The following ABCA13 variants were observed in gnomAD, a reference collection of about 807,000 sequenced individuals.
ABCA13 encodes ATP binding cassette subfamily A member 13.
A neutral mutation model predicts 478.7 loss-of-function variants in ABCA13; 476 were observed. The observed-to-expected ratio is 0.99, with a 90% CI of 0.92 to 1.07. The LOEUF is 1.07. ABCA13 is among the 50% of genes least tolerant of loss of function. The pLI, the probability that ABCA13 is intolerant of heterozygous loss-of-function variation, is 0.00. For missense variants in ABCA13, 6,060 were observed against 5,910.6 expected (o/e 1.03, Z -0.83); for synonymous variants, 2,252 against 2,158.9 (o/e 1.04, Z -1.20).
chr7:48,210,640 T>C (rs1450153055), intron 3 of ABCA13, among the ~76,000 whole-genome samples: 1 of 152,142 alleles, frequency 6.6e-6, no homozygotes, highest in Non-Finnish European at 1.5e-5. Context: ...TCTGTGTTTT[T>C]ACAACTTGCA....
intron 9 of ABCA13, among the ~76,000 whole-genome samples, chr7:48,240,172 T>C (rs1790601904): frequency 6.6e-6 from 1 of 152,248 alleles, no homozygotes; most frequent in Admixed American, 6.5e-5. Flanking sequence ...TAAAACATCC[T>C]TAAAAATATA....
intron 48 of ABCA13, 93 bp from the exon 49 acceptor site, chr7:48,506,243 G>T: frequency 7.3e-7 from 1 of 1,376,744 alleles, no homozygotes; most frequent in South Asian, 1.2e-5. Flanking sequence ...GATACATTGT[G>T]ATGGCACAGG....
intron 44 of ABCA13, among the ~76,000 whole-genome samples, chr7:48,469,702 C>T (rs1002382020): frequency 2.4e-4 from 36 of 152,054 alleles, no homozygotes; most frequent in African/African-American, 8.4e-4. Flanking sequence ...GGGCGGATCA[C>T]GAGGTCAGGA....
chr7:48,486,911 A>G (rs1386731607), intron 47 of ABCA13, among the ~76,000 whole-genome samples: 1 of 152,200 alleles, frequency 6.6e-6, no homozygotes, highest in African/African-American at 2.4e-5. Flanking sequence ...GGCCATAGCA[A>G]GTCACATGGC....
chr7:48,445,011 C>CTTTTT (rs34045232), intron 42 of ABCA13, among the ~76,000 whole-genome samples: 1 of 141,482 alleles, frequency 7.1e-6, no homozygotes, highest in Non-Finnish European at 1.5e-5. Flanking sequence ...TTCTTTCTTT[C>CTTTTT]TTTTTTTTTT....
rs1562953364 is a variant in ABCA13 at position 48,278,771 on chromosome 7, T to A, written c.7577T>A (p.Leu2526His). Reference protein sequence around the residue: ...ATSMDSIVKLLKLVKKVSGKM... With the variant: ...ATSMDSIVKLHKLVKKVSGKM... ...TCAATGGACTCCATTGTGAAACTTC[T>A]TAAGCTGGTCAAGAAAGTTTCGGGG... The change falls in exon 18 of 62, where the codon CTT (leucine) becomes CAT (histidine). Residue 2526 changes from leucine to histidine, a missense_variant. By Grantham distance (99) the Leu-to-His change is moderately conservative. Transcript: ENST00000435803. The A allele has an allele frequency of 6.2e-7, 1 of 1,613,846 alleles. No homozygotes were observed. The highest frequency in any genetic ancestry group is 1.3e-5 in the African/African-American group (1 of 74,936).
At chr7:48,546,176 G>A (rs1048564855) in intron 55 of ABCA13, among the ~76,000 whole-genome samples, 38 of 151,928 alleles carry the variant, frequency 2.5e-4, no homozygotes, top group African/African-American at 8.2e-4. Context: ...GCCACTTGTA[G>A]CATCTAAAAT....
intron 29 of ABCA13, among the ~76,000 whole-genome samples, chr7:48,345,458 G>T (rs1807926680): frequency 6.6e-6 from 1 of 152,018 alleles, no homozygotes; most frequent in Non-Finnish European, 1.5e-5. Context: ...AAGTGATATT[G>T]ATGATAATGA....
At chr7:48,453,223 C>G (rs1372998689) in intron 42 of ABCA13, among the ~76,000 whole-genome samples, 1 of 144,800 alleles carries the variant, frequency 6.9e-6, no homozygotes, top group South Asian at 2.3e-4. Context: ...CTCTGAGTCT[C>G]TGGAGATTGG....
chr7:48,521,492 T>A (rs1285492808), intron 53 of ABCA13, among the ~76,000 whole-genome samples: 1 of 152,214 alleles, frequency 6.6e-6, no homozygotes, highest in Non-Finnish European at 1.5e-5. Flanking sequence ...AATGTGCTTT[T>A]GAATTGGCCA....
chr7:48,562,386 T>C (rs1786557750), intron 55 of ABCA13, among the ~76,000 whole-genome samples: 1 of 152,114 alleles, frequency 6.6e-6, no homozygotes, highest in African/African-American at 2.4e-5. Flanking sequence ...GCTTTGGTTT[T>C]GAATAATAAA....
intron 16 of ABCA13, 42 bp from the exon 17 acceptor site, chr7:48,271,745 A>AT (rs747047842): frequency 4.5e-5 from 52 of 1,160,976 alleles, no homozygotes; most frequent in Non-Finnish European, 4.6e-5. Flanking sequence ...AATCAAATTT[A>AT]TTTTTTTATT....
chr7:48,372,413 C>A lies in ABCA13; in HGVS notation c.11049C>A (p.Ser3683Arg). The A allele has an allele frequency of 6.2e-7, 1 of 1,613,748 alleles. No individual in the cohort carries two copies. Among genetic ancestry groups the A allele is most frequent in the Non-Finnish European group, 8.5e-7 (1 of 1,179,842 alleles). ...CTAATACAGCGGCCCTTTGTACCAGCCTGGTGTACATGATCAGCTTTCTGC... is the reference window on the plus strand; with the variant it reads ...CTAATACAGCGGCCCTTTGTACCAGACTGGTGTACATGATCAGCTTTCTGC... ...SQANTAALCT[S>R]LVYMISFLPY... The change falls in exon 33 of 62, where the codon AGC (serine) becomes AGA (arginine). Residue 3683 changes from serine (S) to arginine (R), a missense_variant. Physicochemically the swap from Ser to Arg is moderately radical, Grantham distance 110 (BLOSUM62 -1). This residue lies in a region of ABCA13 where 4,423 missense variants were observed against 4,309.1 expected (regional missense o/e 1.03). Coordinates refer to ENST00000435803, the MANE Select transcript of ABCA13 (RefSeq NM_152701.5).
chr7:48,245,038 C>T (rs1371128669), intron 11 of ABCA13, among the ~76,000 whole-genome samples: 7 of 152,128 alleles, frequency 4.6e-5, no homozygotes, highest in East Asian at 1.9e-4. Flanking sequence ...GACCAGAGTG[C>T]GTTGTGAATA....
In ABCA13 at chr7:48,430,653, G is replaced by A. The variant is rs191043265; in HGVS notation, c.12565+2782G>A. On this transcript the variant is annotated intron_variant, in intron 42 of 61. Transcript: ENST00000435803. The stretch of plus-strand genomic sequence containing the variant: ...TGTGCCACTGTACTCTACCCTGGGC[G>A]ACAGAGCAAGACTCCGTCTAAAAAA... 2.8e-3 allele frequency among the ~76,000 whole-genome samples: 377 copies of A among 135,770 alleles called. 16 individuals are homozygous for A. The highest frequency in any genetic ancestry group is 0.026 in the Admixed American group (323 of 12,594). 89.1% of individuals were successfully genotyped at this position (135,770 alleles called of 152,430 possible). A position where few individuals can be genotyped will look rare whatever the true frequency, so the allele number is the denominator to read the frequency against.
rs370721628 is a variant in ABCA13, at chr7:48,645,451, C to G, written c.15116C>G (p.Thr5039Ser). ...FINFASEQQQ[T>S]LQSTLDPSTD... is the part of the protein sequence containing the mutation. ...AATTTTGCTTCTGAGCAGCAGCAAA[C>G]TCTACAATCTACTCTTGATCCATCC... The change falls in exon 62 of 62, where the codon ACT becomes AGT. Residue 5039 changes from threonine (T) to serine (S), a missense_variant. By Grantham distance (58) the Thr-to-Ser change is moderately conservative (BLOSUM62 1). Coordinates refer to ENST00000435803, the MANE Select transcript of ABCA13 (RefSeq NM_152701.5). The G allele has an allele frequency of 9.5e-6, 15 of 1,585,126 alleles. No individual in the cohort carries two copies. Among genetic ancestry groups the G allele is most frequent in the African/African-American group, 1.3e-5 (1 of 74,392 alleles).
chr7:48,247,974 T>C (rs1791953023), intron 13 of ABCA13, among the ~76,000 whole-genome samples: 1 of 152,236 alleles, frequency 6.6e-6, no homozygotes, highest in Non-Finnish European at 1.5e-5. Flanking sequence ...TTGTTGCAAC[T>C]AGCTAACACA....
At chr7:48,603,232 G>C (rs928505860) in intron 58 of ABCA13, among the ~76,000 whole-genome samples, 1 of 152,056 alleles carries the variant, frequency 6.6e-6, no homozygotes, top group African/African-American at 2.4e-5. Flanking sequence ...TCTTTCTCTT[G>C]CCTGATAGCC....
intron 54 of ABCA13, 22 bp downstream of exon 54, chr7:48,524,462 ATCT>A (rs1832757779): frequency 7.5e-6 from 12 of 1,589,662 alleles, no homozygotes; most frequent in South Asian, 1.2e-5. Context: ...TCTATTTTTA[ATCT>A]TCTTCTGTTG....
Sources: gnomAD v4.1 joint callset for allele counts (sites outside exome capture counted in the v4.1 genomes callset) on GRCh38, gnomAD v4.1.1 for gene constraint, gnomAD v4.1.1 regional missense constraint, MANE v1.5 for transcripts, NCBI Gene and HGNC (gene_info 2026-07-23, HGNC 2026-07-21) for gene names.